Variants in INTS15 observed in about 807,000 individuals in gnomAD.
INTS15 encodes the protein integrator complex subunit 15, also known as uncharacterized protein C7orf26.
chr7:6,601,484 C>T, the INTS15 span, among the ~76,000 whole-genome samples: 2 of 151,652 alleles, frequency 1.3e-5, no homozygotes, highest in Non-Finnish European at 2.9e-5. Context: ...TTAGTAGAGA[C>T]GGGGTTTCAC....
chr7:6,608,324 C>G, the INTS15 span: 2 of 1,429,474 alleles, frequency 1.4e-6, no homozygotes, highest in Non-Finnish European at 1.8e-6. Flanking sequence ...CCCACCCGGT[C>G]GCATTCTTTG....
chr7:6,600,694 G>C, the INTS15 span, among the ~76,000 whole-genome samples: 1 of 152,110 alleles, frequency 6.6e-6, no homozygotes, highest in Non-Finnish European at 1.5e-5. Context: ...GTCTCACGCT[G>C]TTGTCCAGAC....
At chr7:6,602,044 G>C in the INTS15 span, 1 of 1,463,878 alleles carries the variant, frequency 6.8e-7, no homozygotes, top group South Asian at 1.1e-5. Flanking sequence ...ACGTCAGTGT[G>C]TATTTCACCG....
chr7:6,590,468 A>G, the INTS15 span: 2 of 1,588,792 alleles, frequency 1.3e-6, no homozygotes, highest in Admixed American at 3.5e-5. Context: ...CGCAGCGCGC[A>G]GCCCAAGGTG....
chr7:6,604,604 TG>T, the INTS15 span, among the ~76,000 whole-genome samples: 1 of 152,068 alleles, frequency 6.6e-6, no homozygotes, highest in Non-Finnish European at 1.5e-5. Context: ...TCGGCAGCCC[TG>T]GGGGTGCACA....
chr7:6,600,470 C>G, the INTS15 span: 1 of 1,125,400 alleles, frequency 8.9e-7, no homozygotes, highest in African/African-American at 1.6e-5. Context: ...TTCTTTTCCT[C>G]CTAGTGAACA....
At chr7:6,606,495 C>T in the INTS15 span, among the ~76,000 whole-genome samples, 76 of 152,292 alleles carry the variant, frequency 5.0e-4, no homozygotes, top group South Asian at 1.5e-3. Flanking sequence ...TAGAACCCGG[C>T]AGGCTGGCCT....
At chr7:6,600,227 G>A in the INTS15 span, 1 of 1,614,228 alleles carries the variant, frequency 6.2e-7, no homozygotes, top group African/African-American at 1.3e-5. Context: ...CCCGCTGGTA[G>A]AGGAGATCAA....
chr7:6,603,172 C>T, the INTS15 span, among the ~76,000 whole-genome samples: 1 of 152,012 alleles, frequency 6.6e-6, no homozygotes, highest in African/African-American at 2.4e-5. Context: ...ATCACTTGAA[C>T]CCGGAAGGTG....
the INTS15 span, among the ~76,000 whole-genome samples, chr7:6,607,040 G>A: frequency 6.6e-6 from 1 of 151,984 alleles, no homozygotes. The surrounding 1 kb of genome is among the most constrained non-coding windows in gnomAD (Gnocchi z 6.0). Flanking sequence ...GGAGTTGGTC[G>A]TTTCCGGCTG....
At chr7:6,600,405 C>T in the INTS15 span, 1 of 1,542,192 alleles carries the variant, frequency 6.5e-7, no homozygotes, top group Non-Finnish European at 8.7e-7. Flanking sequence ...CACCGCCGCC[C>T]TGCAGAAGGA....
At chr7:6,608,084 G>T in the INTS15 span, 1 of 887,836 alleles carries the variant, frequency 1.1e-6, no homozygotes. Context: ...CCACCCCGCC[G>T]CCCACCCCGC....
the INTS15 span, chr7:6,607,748 GC>G: frequency 6.7e-7 from 1 of 1,495,274 alleles, no homozygotes; most frequent in Non-Finnish European, 8.9e-7. This position sits in a 1 kb window ranked among gnomAD's most constrained non-coding sequence, Gnocchi z 6.0. Flanking sequence ...TGGGCCACAG[GC>G]CCCGTGCAGA....
At chr7:6,593,519 A>G in the INTS15 span, among the ~76,000 whole-genome samples, 30 of 151,638 alleles carry the variant, frequency 2.0e-4, no homozygotes, top group Non-Finnish European at 3.8e-4. Flanking sequence ...TATTTTTAGT[A>G]GAGACGGGGT....
chr7:6,602,413 G>A, the INTS15 span, among the ~76,000 whole-genome samples: 1 of 152,178 alleles, frequency 6.6e-6, no homozygotes, highest in Non-Finnish European at 1.5e-5. Flanking sequence ...TGGGTGTGGC[G>A]CAGGGGGCCC....
At chr7:6,608,530 G>C in the INTS15 span, 5 of 1,126,596 alleles carry the variant, frequency 4.4e-6, no homozygotes, top group African/African-American at 6.7e-5. Flanking sequence ...AAGACGATGT[G>C]TCCCCGCCAG....
chr7:6,596,035 C>CT, the INTS15 span, among the ~76,000 whole-genome samples: 5 of 142,088 alleles, frequency 3.5e-5, no homozygotes, highest in South Asian at 6.5e-4. Flanking sequence ...AGCCTCCTGA[C>CT]TATTTTTGAG....
chr7:6,606,132 A>T, the INTS15 span, among the ~76,000 whole-genome samples: 1 of 152,230 alleles, frequency 6.6e-6, no homozygotes, highest in Admixed American at 6.5e-5. Context: ...TGGCCTCTGC[A>T]GTACTCTGCA....
chr7:6,599,874 G>C, the INTS15 span: 6 of 1,613,956 alleles, frequency 3.7e-6, no homozygotes, highest in Non-Finnish European at 4.2e-6. Flanking sequence ...ATTGTCACCT[G>C]GATTTTTGAG....
Sources: gnomAD v4.1 joint callset for allele counts (sites outside exome capture counted in the v4.1 genomes callset) on GRCh38, gnomAD v4.1.1 for gene constraint, Gnocchi (gnomAD v3.1) non-coding constraint, MANE v1.5 for transcripts, NCBI Gene and HGNC (gene_info 2026-07-23, HGNC 2026-07-21) for gene names.